The following MEGF11 variants were observed in gnomAD, a reference collection of about 807,000 sequenced individuals.
The protein encoded by MEGF11 is multiple EGF like domains 11, also known as multiple epidermal growth factor-like domains protein 11.
MEGF11 carries 126 observed loss-of-function variants against 146.6 expected under a neutral mutation model. That is an observed-to-expected ratio of 0.86 (90% CI 0.74 to 1.00). MEGF11 has a LOEUF of 1.00. Ranked by LOEUF, MEGF11 falls within the 50% of genes least tolerant of loss-of-function variation. The probability of loss-of-function intolerance (pLI) is 0.00; values close to 1 mark genes in which losing one functional copy is unlikely to be tolerated. For synonymous variants in MEGF11, 532 were observed against 583.4 expected (o/e 0.91, Z 1.27); for missense variants, 1,509 against 1,521.2 (o/e 0.99, Z 0.13).
At chr15:65,970,464 C>T (rs2081264910) in intron 8 of MEGF11, 89 bp downstream of exon 8, 14 of 1,410,612 alleles carry the variant, frequency 9.9e-6, no homozygotes, top group East Asian at 2.4e-5. Flanking sequence ...GGAAGGCTGG[C>T]AGAGAGAGGG....
intron 5 of MEGF11, among the ~76,000 whole-genome samples, chr15:66,036,888 T>C (rs1373424424): frequency 6.6e-6 from 1 of 152,068 alleles, no homozygotes; most frequent in Non-Finnish European, 1.5e-5. Context: ...CCCCTTCCCC[T>C]CTCTAATTCC....
At chr15:66,214,233 C>T (rs2091532584) in intron 1 of MEGF11, among the ~76,000 whole-genome samples, 1 of 152,028 alleles carries the variant, frequency 6.6e-6, no homozygotes, top group Non-Finnish European at 1.5e-5. Flanking sequence ...CAGGGTTTCA[C>T]CATGTTGGCC....
At chr15:66,199,150 C>T (rs953802160) in intron 1 of MEGF11, among the ~76,000 whole-genome samples, 13 of 152,066 alleles carry the variant, frequency 8.5e-5, no homozygotes, top group African/African-American at 1.4e-4. Flanking sequence ...AAACATATCT[C>T]CTGTCTGAAT....
chr15:66,248,300 T>C (rs895524573), intron 1 of MEGF11, among the ~76,000 whole-genome samples: 1 of 152,208 alleles, frequency 6.6e-6, no homozygotes, highest in African/African-American at 2.4e-5. Flanking sequence ...CCAGACCTCT[T>C]GTTATGGGAG....
At chr15:65,967,358 G>A (rs548144389) in intron 8 of MEGF11, among the ~76,000 whole-genome samples, 1 of 152,146 alleles carries the variant, frequency 6.6e-6, no homozygotes, top group Non-Finnish European at 1.5e-5. Context: ...GTGGATTTAA[G>A]GAGTTAGTGT....
At chr15:66,225,561 A>G (rs1298393538) in intron 1 of MEGF11, among the ~76,000 whole-genome samples, 2 of 152,194 alleles carry the variant, frequency 1.3e-5, no homozygotes, top group African/African-American at 4.8e-5. Context: ...GGCTTAACCC[A>G]TCTGGTCACA....
intron 5 of MEGF11, among the ~76,000 whole-genome samples, chr15:66,003,802 T>C (rs1414133665): frequency 1.3e-5 from 2 of 152,122 alleles, no homozygotes; most frequent in Non-Finnish European, 2.9e-5. Flanking sequence ...AGTCCCTCCA[T>C]TCACCCCTTC....
rs182241693 is a variant in MEGF11, at chr15:66,022,110, C to A, written c.395-39622G>T. On this transcript the variant is annotated intron_variant, in intron 5 of 25. Coordinates refer to ENST00000395614, the MANE Select transcript of MEGF11 (RefSeq NM_001385028.1). ...AGGAATAAGGATATAAAGACCCATG[C>A]AGCGAGAACAGAGGGCCACCCTGGC... Among the ~76,000 whole-genome samples, 300 of 152,326 alleles carry A rather than the reference C, an allele frequency of 2.0e-3. 2 individuals are homozygous for A. The highest frequency in any genetic ancestry group is 2.5e-3 in the Admixed American group (39 of 15,300).
intron 5 of MEGF11, among the ~76,000 whole-genome samples, chr15:66,081,991 C>A (rs541443313): frequency 6.6e-6 from 1 of 152,144 alleles, no homozygotes; most frequent in Non-Finnish European, 1.5e-5. Context: ...GGCAGGCCCT[C>A]GCCAGAAATA....
chr15:66,163,084 C>G (rs1254215699), intron 1 of MEGF11, among the ~76,000 whole-genome samples: 1 of 152,110 alleles, frequency 6.6e-6, no homozygotes, highest in Non-Finnish European at 1.5e-5. Flanking sequence ...AACGTGGAGA[C>G]CCAGATGCTG....
At chr15:66,069,095 G>A (rs1483996581) in intron 5 of MEGF11, among the ~76,000 whole-genome samples, 2 of 152,214 alleles carry the variant, frequency 1.3e-5, no homozygotes, top group Non-Finnish European at 2.9e-5. Context: ...TCTGCAAAAT[G>A]GGAATGATAA....
Position 66,134,161 on chromosome 15 carries a change from A to T in MEGF11, c.-8-5750T>A, listed in dbSNP as rs192601923. On this transcript the variant is annotated intron_variant, in intron 1 of 25. Transcript: ENST00000395614. ...CTGACATCAGTCAGGCCCAGAGAAAAATCACAGCCTACCCTGGAGCAGAGC... is the reference window on the plus strand; with the variant it reads ...CTGACATCAGTCAGGCCCAGAGAAATATCACAGCCTACCCTGGAGCAGAGC... Among the ~76,000 whole-genome samples, 399 of 152,156 alleles carry T rather than the reference A, an allele frequency of 2.6e-3. 1 individual carries two copies. Among genetic ancestry groups the T allele is most frequent in the African/African-American group, 9.1e-3 (376 of 41,502 alleles).
intron 5 of MEGF11, among the ~76,000 whole-genome samples, chr15:65,990,232 TA>T (rs1470014964): frequency 1.3e-5 from 2 of 151,348 alleles, no homozygotes; most frequent in East Asian, 2.0e-4. Context: ...AAAATACAAA[TA>T]AAAAATGCCA....
chr15:66,168,484 G>A (rs1409371238), intron 1 of MEGF11, among the ~76,000 whole-genome samples: 2 of 152,166 alleles, frequency 1.3e-5, no homozygotes, highest in South Asian at 2.1e-4. Context: ...TATGGTTACT[G>A]AGCACTTGAT....
At chr15:66,232,212 C>T (rs1261958596) in intron 1 of MEGF11, among the ~76,000 whole-genome samples, 1 of 152,208 alleles carries the variant, frequency 6.6e-6, no homozygotes, top group Non-Finnish European at 1.5e-5. Context: ...GGCAGCCAGC[C>T]TGAATGCACC....
chr15:66,019,038 G>A (rs947257916), intron 5 of MEGF11, among the ~76,000 whole-genome samples: 1 of 152,194 alleles, frequency 6.6e-6, no homozygotes, highest in African/African-American at 2.4e-5. Context: ...CCATCACCAC[G>A]ACTCCAGGCC....
intron 5 of MEGF11, among the ~76,000 whole-genome samples, chr15:66,029,156 G>A (rs893652904): frequency 6.8e-6 from 1 of 146,304 alleles, no homozygotes; most frequent in African/African-American, 2.5e-5. Context: ...GAATTGCCTT[G>A]TTTTTTTTTT....
At chr15:65,941,475 C>T (rs1047640785) in intron 10 of MEGF11, among the ~76,000 whole-genome samples, 4 of 151,972 alleles carry the variant, frequency 2.6e-5, no homozygotes, top group African/African-American at 7.2e-5. Context: ...ACCCAAGAGG[C>T]GGTCCATGTG....
chr15:65,964,195 C>T (rs1327406755), intron 9 of MEGF11, among the ~76,000 whole-genome samples: 2 of 152,148 alleles, frequency 1.3e-5, no homozygotes, highest in Non-Finnish European at 2.9e-5. Context: ...AGCAGTAGCC[C>T]AGAACAGCTC....
Sources: allele counts gnomAD v4.1 joint callset (sites outside exome capture counted in the v4.1 genomes callset), GRCh38; gene constraint gnomAD v4.1.1; transcripts MANE v1.5; gene names NCBI Gene and HGNC (gene_info 2026-07-23, HGNC 2026-07-21).